ARHGAP44: variants seen among roughly 807,000 people sequenced by gnomAD.
ARHGAP44 encodes rho GTPase-activating protein 44.
Under a neutral mutation model 106.8 loss-of-function variants are expected in ARHGAP44, and 43 were observed. The observed-to-expected ratio is 0.40, with a 90% CI of 0.32 to 0.52. The LOEUF is 0.52. Ranked by LOEUF, ARHGAP44 falls within the 20% of genes least tolerant of loss-of-function variation. The pLI is 0.48. For missense variants in ARHGAP44, 866 were observed against 1,050.5 expected, an observed-to-expected ratio of 0.82 and a Z score of 2.43; for synonymous variants, 439 against 410.3, an observed-to-expected ratio of 1.07 and a Z score of -0.85.
At chr17:12,860,856 CTTTTTTTTTTT>C (rs71144929) in intron 1 of ARHGAP44, among the ~76,000 whole-genome samples, 170 of 135,806 alleles carry the variant, frequency 1.3e-3, no homozygotes, top group Admixed American at 2.0e-3. Context: ...TTTTTCTATT[CTTTTTTTTTTT>C]TTTTTTTTTT....
At chr17:12,845,512 A>C (rs962325814) in intron 1 of ARHGAP44, among the ~76,000 whole-genome samples, 3 of 128,288 alleles carry the variant, frequency 2.3e-5, no homozygotes, top group Non-Finnish European at 3.4e-5. Flanking sequence ...GTCTCAAAAA[A>C]AAAAAAAAAA....
chr17:12,884,192 C>A (rs897934766), intron 1 of ARHGAP44, among the ~76,000 whole-genome samples: 3 of 152,022 alleles, frequency 2.0e-5, no homozygotes, highest in Non-Finnish European at 4.4e-5. Context: ...TTTTTTGTAT[C>A]TGAGCTGAGC....
chr17:12,933,014 C>T (rs1262898058), intron 7 of ARHGAP44, among the ~76,000 whole-genome samples: 1 of 152,148 alleles, frequency 6.6e-6, no homozygotes, highest in Admixed American at 6.5e-5. Flanking sequence ...TGAAACCCTA[C>T]ATTGTGCTCA....
rs868412575 is a variant in ARHGAP44, at chr17:12,974,139, C to A, written c.1592C>A (p.Ser531Ter). Residue 531 changes from serine (S) to a stop codon, truncating the protein, a stop_gained, in exon 18 of 21, where the codon TCG (serine) becomes TAG (stop). Coordinates refer to ENST00000379672, the MANE Select transcript of ARHGAP44 (RefSeq NM_014859.6). LOFTEE classifies it high-confidence loss of function. ...DTNWVARRGS[S>*]AGRKVSCAPP... ...AACTGGGTGGCTCGAAGAGGCTCCT[C>A]GGCCGGTCGGAAAGTGTCCTGCGCC... 1 of 1,565,178 alleles carries A rather than the reference C, an allele frequency of 6.4e-7. No individual in the cohort carries two copies. Among genetic ancestry groups the A allele is most frequent in the East Asian group, 2.4e-5 (1 of 41,996 alleles).
At chr17:12,968,461 T>G (rs547462581) in intron 16 of ARHGAP44, among the ~76,000 whole-genome samples, 1 of 152,194 alleles carries the variant, frequency 6.6e-6, no homozygotes, top group Non-Finnish European at 1.5e-5. Context: ...AAAGAACCTT[T>G]CAGACAAGAT....
At chr17:12,899,652 C>G (rs961055772) in intron 3 of ARHGAP44, among the ~76,000 whole-genome samples, 1 of 150,000 alleles carries the variant, frequency 6.7e-6, no homozygotes, top group Non-Finnish European at 1.5e-5. Flanking sequence ...GACACTGTCT[C>G]GGGAATTGAA....
intron 1 of ARHGAP44, among the ~76,000 whole-genome samples, chr17:12,804,512 C>T (rs370621236): frequency 6.6e-6 from 1 of 152,200 alleles, no homozygotes; most frequent in Admixed American, 6.5e-5. Context: ...GGAAAGTATT[C>T]AAGTAAACAG....
chr17:12,959,740 T>G (rs1236408740), intron 16 of ARHGAP44, among the ~76,000 whole-genome samples: 1 of 152,190 alleles, frequency 6.6e-6, no homozygotes, highest in Non-Finnish European at 1.5e-5. Flanking sequence ...GAACTTTGGT[T>G]AGAAATTAAA....
intron 3 of ARHGAP44, 81 bp downstream of exon 3, chr17:12,896,592 T>A: frequency 8.2e-7 from 1 of 1,221,118 alleles, no homozygotes; most frequent in Non-Finnish European, 1.2e-6. Flanking sequence ...CTCCTGGATG[T>A]AGCTGTTTAT....
intron 16 of ARHGAP44, among the ~76,000 whole-genome samples, chr17:12,969,435 CGAAG>C (rs774093169): frequency 6.6e-6 from 1 of 152,098 alleles, no homozygotes; most frequent in Non-Finnish European, 1.5e-5. Context: ...TACAACAAAT[CGAAG>C]GAAGAGAAGC....
intron 1 of ARHGAP44, among the ~76,000 whole-genome samples, chr17:12,797,668 C>A (rs985004911): frequency 1.6e-4 from 24 of 152,130 alleles, no homozygotes; most frequent in African/African-American, 5.8e-4. Flanking sequence ...TGTGTCTTAA[C>A]CACAGTTAAC....
At chr17:12,864,182 G>T (rs117853299) in intron 1 of ARHGAP44, among the ~76,000 whole-genome samples, 11 of 152,308 alleles carry the variant, frequency 7.2e-5, no homozygotes, top group Non-Finnish European at 1.2e-4. Context: ...GGTCATATGG[G>T]CTGGAAGTAC....
At chr17:12,866,976 C>A (rs901713323) in intron 1 of ARHGAP44, among the ~76,000 whole-genome samples, 4 of 152,082 alleles carry the variant, frequency 2.6e-5, no homozygotes, top group Admixed American at 6.6e-5. Flanking sequence ...TTTGTTGATT[C>A]TCATTTGCCT....
intron 1 of ARHGAP44, among the ~76,000 whole-genome samples, chr17:12,795,774 CAG>C (rs1314642171): frequency 6.6e-6 from 1 of 151,974 alleles, no homozygotes; most frequent in Non-Finnish European, 1.5e-5. Flanking sequence ...GGGGGAGAGT[CAG>C]AGAGTCAGGC....
At chr17:12,978,273 A>G (rs2039746240) in intron 18 of ARHGAP44, among the ~76,000 whole-genome samples, 1 of 152,192 alleles carries the variant, frequency 6.6e-6, no homozygotes, top group Non-Finnish European at 1.5e-5. Context: ...ATGCCCGGGT[A>G]CCTGGTAACC....
At chr17:12,884,190 A>G (rs2036818083) in intron 1 of ARHGAP44, among the ~76,000 whole-genome samples, 1 of 152,032 alleles carries the variant, frequency 6.6e-6, no homozygotes, top group Non-Finnish European at 1.5e-5. Context: ...GATTTTTTGT[A>G]TCTGAGCTGA....
At chr17:12,796,592 ACTTTT>A (rs1008131732) in intron 1 of ARHGAP44, among the ~76,000 whole-genome samples, 4 of 145,628 alleles carry the variant, frequency 2.7e-5, no homozygotes, top group Admixed American at 2.0e-4. Context: ...GTGAGGCTGA[ACTTTT>A]CTTTGTTTTT....
intron 3 of ARHGAP44, among the ~76,000 whole-genome samples, chr17:12,905,064 G>C (rs2150934192): frequency 7.0e-6 from 1 of 142,674 alleles, no homozygotes; most frequent in Non-Finnish European, 1.5e-5. Context: ...ACCACACTTG[G>C]CTAATTTTTT....
chr17:12,861,198 C>T (rs561848623), intron 1 of ARHGAP44, among the ~76,000 whole-genome samples: 24 of 152,078 alleles, frequency 1.6e-4, no homozygotes, highest in South Asian at 6.2e-4. Flanking sequence ...CCATGTTGGC[C>T]GGGGTGGTCT....
Sources: allele counts gnomAD v4.1 joint callset (sites outside exome capture counted in the v4.1 genomes callset), GRCh38; gene constraint gnomAD v4.1.1; transcripts MANE v1.5; gene names NCBI Gene and HGNC (gene_info 2026-07-23, HGNC 2026-07-21).